Variants in FABP12 observed in about 807,000 individuals in gnomAD.
The protein encoded by FABP12 is fatty acid-binding protein 12.
A neutral mutation model predicts 13.7 loss-of-function variants in FABP12; 19 were observed. The ratio of observed to expected loss-of-function variants is 1.39; its 90% confidence interval spans 0.97 to 2.04. The LOEUF (loss-of-function observed/expected upper bound fraction) is 2.04. FABP12 is among the 30% of genes most tolerant of loss of function. FABP12 has a pLI of 0.00. For synonymous variants in FABP12, 61 were observed against 57.0 expected, an observed-to-expected ratio of 1.07 and a Z score of -0.32; for missense variants, 182 against 164.2, an observed-to-expected ratio of 1.11 and a Z score of -0.59.
At chr8:81,559,182 T>TTC (rs958410236) in intron 1 of FABP12, among the ~76,000 whole-genome samples, 6 of 152,200 alleles carry the variant, frequency 3.9e-5, no homozygotes, top group Non-Finnish European at 8.8e-5. Context: ...CACCTAACAG[T>TTC]TCTCTCCCTG....
intron 1 of FABP12, among the ~76,000 whole-genome samples, chr8:81,585,878 C>G (rs1456221881): frequency 6.6e-6 from 1 of 152,052 alleles, no homozygotes; most frequent in Non-Finnish European, 1.5e-5. Flanking sequence ...GGTGCACATG[C>G]AGGTTTGTTA....
chr8:81,586,596 A>T (rs1022295026), intron 1 of FABP12, among the ~76,000 whole-genome samples: 4 of 152,080 alleles, frequency 2.6e-5, no homozygotes, highest in Admixed American at 2.0e-4. Context: ...ATGATTAGTG[A>T]TATTGAGCAT....
chr8:81,585,986 C>T (rs1308076469), intron 1 of FABP12, among the ~76,000 whole-genome samples: 1 of 152,118 alleles, frequency 6.6e-6, no homozygotes, highest in Non-Finnish European at 1.5e-5. Context: ...CATTTCTCAT[C>T]CTCCTCCCAC....
At chr8:81,528,808 A>C (rs1344856735) in intron 3 of FABP12, among the ~76,000 whole-genome samples, 1 of 152,192 alleles carries the variant, frequency 6.6e-6, no homozygotes, top group Non-Finnish European at 1.5e-5. Flanking sequence ...TCAGGGTGAG[A>C]CAATAAAAAG....
At chr8:81,588,422 G>T (rs1563561046) in intron 1 of FABP12, among the ~76,000 whole-genome samples, 2 of 152,146 alleles carry the variant, frequency 1.3e-5, no homozygotes, top group African/African-American at 2.4e-5. Context: ...TATTACAAAT[G>T]GGATTGCTTA....
At chr8:81,553,409 A>T (rs1280859535) in intron 1 of FABP12, among the ~76,000 whole-genome samples, 3 of 152,192 alleles carry the variant, frequency 2.0e-5, no homozygotes, top group Non-Finnish European at 4.4e-5. Context: ...GTATCAATTT[A>T]TACTATATTT....
chr8:81,525,640 T>A (rs563579304), intron 4 of FABP12, among the ~76,000 whole-genome samples: 1 of 152,228 alleles, frequency 6.6e-6, no homozygotes, highest in Non-Finnish European at 1.5e-5. Flanking sequence ...ATATAACCTA[T>A]GTATGGCGAA....
intron 2 of FABP12, 110 bp downstream of exon 2, chr8:81,531,133 A>T: frequency 2.8e-6 from 2 of 720,580 alleles, no homozygotes; most frequent in Non-Finnish European, 4.7e-6. Context: ...ATTTTTTCCT[A>T]TGTGAAAAAT....
At chr8:81,572,109 C>T (rs60898990) in intron 1 of FABP12, among the ~76,000 whole-genome samples, 3,213 of 150,670 alleles carry the variant, frequency 0.021, 95 homozygotes, top group African/African-American at 0.074. Context: ...TTGCCCCCTC[C>T]CACTCTTCCC....
At chr8:81,533,303 G>A (rs1355531057) in intron 1 of FABP12, 4 of 152,144 alleles carry the variant, frequency 2.6e-5, no homozygotes, top group African/African-American at 4.8e-5. Context: ...CCTCTTCTGT[G>A]ATTGATGCTT....
chr8:81,542,150 T>C (rs115259560), intron 1 of FABP12, among the ~76,000 whole-genome samples: 3,462 of 152,186 alleles, frequency 0.023, 122 homozygotes, highest in African/African-American at 0.078. Context: ...CCAGCCAGAA[T>C]GGAGAAAAGG....
chr8:81,585,894 G>T (rs1036752896), intron 1 of FABP12, among the ~76,000 whole-genome samples: 3 of 152,012 alleles, frequency 2.0e-5, no homozygotes, highest in Admixed American at 6.5e-5. Flanking sequence ...TGTTACGTGG[G>T]TAAATTACAT....
At chr8:81,578,562 C>T (rs1283726202) in intron 1 of FABP12, among the ~76,000 whole-genome samples, 3 of 150,896 alleles carry the variant, frequency 2.0e-5, no homozygotes, top group Non-Finnish European at 3.0e-5. Context: ...CTCAGCTCAC[C>T]GCAACATCCA....
exon 4 of FABP12, chr8:81,527,046 T>G (rs1160232563): frequency 2.5e-6 from 4 of 1,610,440 alleles, no homozygotes; most frequent in Non-Finnish European, 3.4e-6. Context: ...TCCACCAGCT[T>G]TCTCGTTATG....
upstream of FABP12, among the ~76,000 whole-genome samples, chr8:81,535,830 A>T (rs532267567): frequency 1.3e-5 from 2 of 152,210 alleles, no homozygotes; most frequent in East Asian, 1.9e-4. Context: ...ATTGGCTCAG[A>T]TCTGGAATCT....
chr8:81,550,263 A>G (rs1809503360), intron 1 of FABP12, among the ~76,000 whole-genome samples: 1 of 152,210 alleles, frequency 6.6e-6, no homozygotes, highest in Non-Finnish European at 1.5e-5. Flanking sequence ...TTAGAGTCTT[A>G]TAATATTTTT....
chr8:81,532,931 T>C (rs750124238), intron 1 of FABP12: 7 of 152,260 alleles, frequency 4.6e-5, no homozygotes, highest in Non-Finnish European at 1.0e-4. Context: ...GGCATGAGGC[T>C]GAAGCCAGGA....
intron 1 of FABP12, among the ~76,000 whole-genome samples, chr8:81,589,731 C>A (rs1810292679): frequency 1.3e-5 from 2 of 152,220 alleles, no homozygotes; most frequent in Admixed American, 1.3e-4. Flanking sequence ...TCTCTCCCTG[C>A]AAACCACCTT....
chr8:81,570,170 T>C (rs1371194820), intron 1 of FABP12, among the ~76,000 whole-genome samples: 1 of 152,188 alleles, frequency 6.6e-6, no homozygotes, highest in Non-Finnish European at 1.5e-5. Flanking sequence ...CCCAGAAGCT[T>C]GGAGATGCCA....
Sources: gnomAD v4.1 joint callset for allele counts (sites outside exome capture counted in the v4.1 genomes callset) on GRCh38, gnomAD v4.1.1 for gene constraint, MANE v1.5 for transcripts, NCBI Gene and HGNC (gene_info 2026-07-23, HGNC 2026-07-21) for gene names.